GPR155: variants seen among roughly 807,000 people sequenced by gnomAD.
GPR155 encodes the protein lysosomal cholesterol signaling protein.
A neutral mutation model predicts 93.1 loss-of-function variants in GPR155; 65 were observed. The ratio of observed to expected loss-of-function variants is 0.70; its 90% CI spans 0.57 to 0.86. The LOEUF is 0.86. GPR155 is among the 40% of genes least tolerant of loss of function. The pLI, the probability that GPR155 is intolerant of heterozygous loss-of-function variation, is 0.00. For missense variants in GPR155, 838 were observed against 1,034.8 expected, an observed-to-expected ratio of 0.81 and a Z score of 2.61; for synonymous variants, 319 against 360.1, an observed-to-expected ratio of 0.89 and a Z score of 1.29.
At chr2:174,437,812 G>A (rs1447406659) in intron 15 of GPR155, among the ~76,000 whole-genome samples, 2 of 151,468 alleles carry the variant, frequency 1.3e-5, no homozygotes, top group South Asian at 2.1e-4. Flanking sequence ...TCGAACTCCC[G>A]ACCTCAGGTG....
In GPR155 at chr2:174,466,583, C is replaced by T; in HGVS notation, c.1227G>A (p.Gln409=). ...AILLLSKKYK[Q]LPHMLTTNLL... is the part of the protein sequence containing the mutation. ...AATTAGTTGTAAGCATATGAGGAAG[C>T]TGTTTATATTTCTTACTCAAAAGAA... The change falls in exon 6 of 16, where the codon CAG becomes CAA. Residue 409 remains glutamine, a synonymous_variant. Transcript: ENST00000392552. 1 of 1,593,130 alleles carries T rather than the reference C, an allele frequency of 6.3e-7. No individual in the cohort carries two copies. The highest frequency in any genetic ancestry group is 8.6e-7 in the Non-Finnish European group (1 of 1,164,044).
intron 11 of GPR155, among the ~76,000 whole-genome samples, chr2:174,451,420 A>G (rs1190876031): frequency 1.3e-5 from 2 of 152,134 alleles, no homozygotes; most frequent in African/African-American, 4.8e-5. Context: ...TAAATGTGAT[A>G]CTTATTTTTG....
chr2:174,465,753 A>G (rs1214414751), intron 7 of GPR155, 32 bp downstream of exon 7: 10 of 1,037,522 alleles, frequency 9.6e-6, no homozygotes, highest in Admixed American at 8.8e-5. Context: ...GGTGGGGAAC[A>G]GATCTCAATT....
At chr2:174,441,329 T>A (rs1191442717) in intron 14 of GPR155, among the ~76,000 whole-genome samples, 2 of 151,892 alleles carry the variant, frequency 1.3e-5, no homozygotes, top group African/African-American at 4.8e-5. Flanking sequence ...TAAAAATACG[T>A]CCTAGTAAAA....
chr2:174,475,272 G>A (rs1463123236), intron 2 of GPR155, among the ~76,000 whole-genome samples: 3 of 125,208 alleles, frequency 2.4e-5, no homozygotes, highest in African/African-American at 6.2e-5. Flanking sequence ...TCCAGCCTGG[G>A]CGACAGAGCG....
At chr2:174,466,885 C>T (rs1687852893) in intron 5 of GPR155, among the ~76,000 whole-genome samples, 1 of 152,124 alleles carries the variant, frequency 6.6e-6, no homozygotes, top group African/African-American at 2.4e-5. Context: ...GGCCAGGCAT[C>T]GTGGCTCATT....
chr2:174,453,931 C>T lies in GPR155; in HGVS notation c.1772-90G>A, dbSNP rs1005645903. On this transcript the variant is annotated intron_variant, in intron 10 of 15. Transcript: ENST00000392552. ...AATGCCAAAGAAAACAAAACAAAATCCACTCACACACACTTCCCATGTAGC... is the reference window on the plus strand; with the variant it reads ...AATGCCAAAGAAAACAAAACAAAATTCACTCACACACACTTCCCATGTAGC... 8 of 825,532 alleles carry T rather than the reference C, an allele frequency of 9.7e-6. No individual in the cohort carries two copies. The African/African-American group carries it at 1.2e-4, about 12-fold the overall frequency. 51.1% of individuals were successfully genotyped at this position (825,532 alleles called of 1,614,324 possible). A position where few individuals can be genotyped will look rare whatever the true frequency, so the allele number is the denominator to read the frequency against.
intron 14 of GPR155, among the ~76,000 whole-genome samples, chr2:174,440,878 G>T (rs1376213436): frequency 6.6e-6 from 1 of 152,070 alleles, no homozygotes; most frequent in Non-Finnish European, 1.5e-5. Flanking sequence ...CAACAATTTA[G>T]AAAGAAACTT....
chr2:174,482,456 AC>A (rs1688353590), intron 1 of GPR155, among the ~76,000 whole-genome samples: 1 of 152,196 alleles, frequency 6.6e-6, no homozygotes, highest in Admixed American at 6.5e-5. Context: ...TTGAGGAGTC[AC>A]CCAGGGACCA....
intron 10 of GPR155, among the ~76,000 whole-genome samples, chr2:174,458,469 A>G (rs185076620): frequency 1.8e-3 from 272 of 152,302 alleles, no homozygotes; most frequent in Non-Finnish European, 3.0e-3. Flanking sequence ...ACAATTATAC[A>G]TTCACTTAAA....
chr2:174,477,934 C>G (rs2105736049), intron 2 of GPR155, among the ~76,000 whole-genome samples: 1 of 152,154 alleles, frequency 6.6e-6, no homozygotes, highest in Non-Finnish European at 1.5e-5. Flanking sequence ...ACACAAAGAC[C>G]CAGATAAAAT....
At position 174,436,404 on chromosome 2, in the gene GPR155, C is replaced by T; in HGVS notation, c.2325G>A (p.Lys775=). 1 of 1,614,036 alleles carries T rather than the reference C, an allele frequency of 6.2e-7. No individual in the cohort carries two copies. The highest frequency in any genetic ancestry group is 8.5e-7 in the Non-Finnish European group (1 of 1,179,958). ...NIVKERRCGA[K]TSAGTFCGCD... ...AGCCACAGAAAGTTCCAGCAGAAGT[C>T]TTTGCACCACACCTGTGTCAAAGGA... Residue 775 remains lysine (K), a synonymous_variant, in exon 16 of 16, where the codon AAG becomes AAA. Transcript: ENST00000392552.
chr2:174,452,557 AC>A (rs1687352562), intron 11 of GPR155, among the ~76,000 whole-genome samples: 1 of 152,226 alleles, frequency 6.6e-6, no homozygotes. Context: ...CGAAAAATGC[AC>A]TGCAATTCCA....
intron 15 of GPR155, among the ~76,000 whole-genome samples, chr2:174,437,496 C>G (rs1014039297): frequency 1.3e-5 from 2 of 151,908 alleles, no homozygotes; most frequent in African/African-American, 2.4e-5. Flanking sequence ...CTAGAAACAC[C>G]ACATTCGACA....
chr2:174,482,974 G>A (rs1342951604), intron 1 of GPR155: 1 of 147,470 alleles, frequency 6.8e-6, no homozygotes, highest in Non-Finnish European at 1.5e-5. Context: ...TAGAACATGA[G>A]AGAGAGAAAA....
At position 174,435,677 on chromosome 2, in the gene GPR155, T is replaced by C. The variant is rs1037558145; in HGVS notation, c.*439A>G. ...ATAGTAGAGACGGGGTTTCGCCATG[T>C]TGGCCAGGCTGGTCTTGAACTCCTG... is the stretch of plus-strand genomic sequence containing the variant. On this transcript the variant is annotated 3_prime_UTR_variant, in exon 16 of 16. Coordinates refer to ENST00000392552, the MANE Select transcript of GPR155 (RefSeq NM_152529.7). The C allele has an allele frequency of 2.0e-5, 3 of 153,474 alleles. No individual in the cohort carries two copies. The highest frequency in any genetic ancestry group is 7.2e-5 in the African/African-American group (3 of 41,424). The allele number at this position is 153,474 out of a possible 1,614,324, so 9.5% of individuals were successfully genotyped here. A position where few individuals can be genotyped will look rare whatever the true frequency, so the allele number is the denominator to read the frequency against.
At chr2:174,453,667 A>G (rs1687395717) in intron 11 of GPR155, 70 bp downstream of exon 11, 10 of 525,826 alleles carry the variant, frequency 1.9e-5, no homozygotes, top group East Asian at 6.0e-5. Flanking sequence ...CTCAAAAAAA[A>G]GAAAAAAAAA....
At position 174,482,025 on chromosome 2, in the gene GPR155, A is replaced by G. The variant is rs1574742925; in HGVS notation, c.-31-38T>C. 12 of 1,057,902 alleles carry G rather than the reference A, an allele frequency of 1.1e-5. No individual in the cohort carries two copies. In the East Asian group the frequency reaches 2.1e-4, roughly 19 times the overall value. The allele number at this position is 1,057,902 out of a possible 1,614,324, so 65.5% of individuals were successfully genotyped here. ...GAAGAAAGATTCAGTATGGCCATCAACAAGAATTCTAGTTGAAATAATACA... is the reference window on the plus strand; with the variant it reads ...GAAGAAAGATTCAGTATGGCCATCAGCAAGAATTCTAGTTGAAATAATACA... On this transcript the variant is annotated intron_variant, in intron 1 of 15. Coordinates refer to ENST00000392552, the MANE Select transcript of GPR155 (RefSeq NM_152529.7).
intron 9 of GPR155, 152 bp downstream of exon 9, chr2:174,461,250 T>C (rs1687683895): frequency 1.7e-6 from 1 of 583,194 alleles, no homozygotes; most frequent in Non-Finnish European, 3.0e-6. Flanking sequence ...GTTCATGTTC[T>C]AGATGAGACA....
Sources: gnomAD v4.1 joint callset for allele counts (sites outside exome capture counted in the v4.1 genomes callset) on GRCh38, gnomAD v4.1.1 for gene constraint, MANE v1.5 for transcripts, NCBI Gene and HGNC (gene_info 2026-07-23, HGNC 2026-07-21) for gene names.